The following INTS1 variants were observed in gnomAD, a reference collection of about 807,000 sequenced individuals.
INTS1 encodes integrator complex subunit 1.
A neutral mutation model predicts 241.6 loss-of-function variants in INTS1; 137 were observed. That is an observed-to-expected ratio of 0.57 (90% CI 0.49 to 0.65). INTS1 has a LOEUF of 0.65. Ranked by LOEUF, INTS1 falls within the 30% of genes least tolerant of loss-of-function variation. INTS1 has a pLI of 0.00. For missense variants in INTS1, 3,073 were observed against 3,032.2 expected (o/e 1.01, Z -0.32); for synonymous variants, 1,692 against 1,337.8 (o/e 1.26, Z -5.78).
In INTS1 at chr7:1,499,113, C is replaced by A. The variant is rs943551181; in HGVS notation, c.999G>T (p.Leu333=). 23 of 1,611,408 alleles carry A rather than the reference C, an allele frequency of 1.4e-5. No homozygotes were observed. Among genetic ancestry groups the A allele is most frequent in the Non-Finnish European group, 1.9e-5 (23 of 1,179,654 alleles). ...GCTGGCGCCGGTTCAGCTGGTCCCG[C>A]AGCATGTCCAGGACATACTCCTCCA... ...ESVEEYVLDM[L]RDQLNRRQPI... Residue 333 remains leucine, a synonymous_variant, in exon 8 of 48, where the codon CTG becomes CTT. Coordinates refer to ENST00000404767, the MANE Select transcript of INTS1 (RefSeq NM_001080453.3).
intron 33 of INTS1, 99 bp from the exon 34 acceptor site, chr7:1,478,035 T>G (rs1781805394): frequency 1.0e-5 from 10 of 1,002,674 alleles, no homozygotes; most frequent in Non-Finnish European, 1.5e-5. Flanking sequence ...GGTGAGCATG[T>G]GTGGGACACA....
In INTS1 at chr7:1,484,096, C is replaced by G; in HGVS notation, c.3336G>C (p.Ala1112=). Residue 1112 remains alanine, a synonymous_variant, in exon 25 of 48, where the codon GCG becomes GCC. Coordinates refer to ENST00000404767, the MANE Select transcript of INTS1 (RefSeq NM_001080453.3). ...HLFSKLSPSA[A]SDAVLSALLS... ...ACAGAGCGCTCAGCACGGCGTCCGA[C>G]GCGGCACTCGGGGAGAGCTTCGAGA... 6.2e-7 allele frequency: 1 copy of G among 1,612,516 alleles called. No individual in the cohort carries two copies. Among genetic ancestry groups the G allele is most frequent in the Non-Finnish European group, 8.5e-7 (1 of 1,179,764 alleles).
intron 40 of INTS1, 62 bp from the exon 41 acceptor site, chr7:1,474,422 A>T: frequency 6.7e-7 from 1 of 1,488,104 alleles, no homozygotes; most frequent in African/African-American, 1.4e-5. Flanking sequence ...GCACGTCCCC[A>T]GGAAGGCCCC....
intron 31 of INTS1, 81 bp downstream of exon 31, chr7:1,479,349 G>C (rs942406558): frequency 1.4e-6 from 2 of 1,459,716 alleles, no homozygotes; most frequent in Admixed American, 4.5e-5. Flanking sequence ...CAGAGGAGCA[G>C]TCACAGGACA....
rs937926659 is a variant in INTS1 at position 1,477,055 on chromosome 7, T to C, written c.4939-137A>G. 9 of 1,138,906 alleles carry C rather than the reference T, an allele frequency of 7.9e-6. No homozygotes were observed. The East Asian group carries it at 1.3e-4, about 16-fold the overall frequency. The allele number at this position is 1,138,906 out of a possible 1,614,324, so 70.6% of individuals were successfully genotyped here. A position where few individuals can be genotyped will look rare whatever the true frequency, so the allele number is the denominator to read the frequency against. ...GCTGCCGGTAACACCGGCCCCGTCA[T>C]GGTGCTGGAGGGCCGCTCCTGGTGG... On this transcript the variant is annotated intron_variant, in intron 35 of 47. Transcript: ENST00000404767.
intron 11 of INTS1, 148 bp downstream of exon 11, chr7:1,496,990 T>C: frequency 1.2e-6 from 1 of 811,244 alleles, no homozygotes; most frequent in South Asian, 1.8e-5. Flanking sequence ...CTGGGACGCG[T>C]CACCGCAAAC....
Position 1,503,930 on chromosome 7 carries a change from G to A in INTS1, c.31C>T (p.Arg11Trp). The A allele has an allele frequency of 7.6e-6, 12 of 1,571,680 alleles. No homozygotes were observed. Among genetic ancestry groups the A allele is most frequent in the Non-Finnish European group, 1.0e-5 (12 of 1,159,250 alleles). The change falls in exon 2 of 48, where the codon CGG becomes TGG. Residue 11 changes from arginine (R) to tryptophan (W), a missense_variant. Physicochemically the swap from Arg to Trp is moderately radical, Grantham distance 101. Coordinates refer to ENST00000404767, the MANE Select transcript of INTS1 (RefSeq NM_001080453.3). MNRAKPTTVR[R>W]PSAAAKPSGH... ...GAGGGTTTGGCCGCGGCGCTGGGCC[G>A]GCGCACCGTGGTGGGCTTGGCCCGG...
chr7:1,480,402 T>G lies in INTS1; in HGVS notation c.3989A>C (p.Gln1330Pro). The part of the protein sequence containing the change: ...EAPKPKSSPE[Q>P]PIGQGRIRVG... ...CCGAATCCGGCCCTGGCCTATGGGC[T>G]GCTCTGGGCTGCTCTTTGGTTTGGG... Residue 1330 changes from glutamine (Q) to proline (P), a missense_variant, in exon 30 of 48, where the codon CAG becomes CCG. Gln to Pro is a moderately conservative substitution (Grantham distance 76). Transcript: ENST00000404767. 1 of 1,613,320 alleles carries G rather than the reference T, an allele frequency of 6.2e-7. No homozygotes were observed. Among genetic ancestry groups the G allele is most frequent in the Non-Finnish European group, 8.5e-7 (1 of 1,179,692 alleles).
intron 18 of INTS1, among the ~76,000 whole-genome samples, chr7:1,488,944 T>TA (rs1782412252): frequency 1.3e-5 from 2 of 152,118 alleles, no homozygotes; most frequent in South Asian, 4.1e-4. Context: ...TGGCCAGTGT[T>TA]AAAGCCCACC....
intron 5 of INTS1, 120 bp from the exon 6 acceptor site, chr7:1,499,752 C>G: frequency 6.8e-7 from 1 of 1,468,106 alleles, no homozygotes; most frequent in South Asian, 1.3e-5. Flanking sequence ...CTGGGTGCAG[C>G]AGGGACCGTG....
Position 1,478,765 on chromosome 7 carries a change from G to T in INTS1, c.4450C>A (p.Leu1484Ile). Residue 1484 changes from leucine to isoleucine, a missense_variant, in exon 32 of 48, where the codon CTT (leucine) becomes ATT (isoleucine). Physicochemically the swap from Leu to Ile is conservative, Grantham distance 5. Transcript: ENST00000404767. ...GGPLRAQLRMLASQASAGRRL... is the reference protein window; with the variant it reads ...GGPLRAQLRMIASQASAGRRL... Reference sequence around the variant, plus strand: ...CGCCCGGCTGAGGCCTGGCTGGCAAGCATCCTGAGCTGTGCCCGCAGGGGC... The same window carrying T: ...CGCCCGGCTGAGGCCTGGCTGGCAATCATCCTGAGCTGTGCCCGCAGGGGC... The T allele has an allele frequency of 6.3e-7, 1 of 1,597,800 alleles. No homozygotes were observed. The highest frequency in any genetic ancestry group is 1.7e-5 in the Admixed American group (1 of 58,948).
chr7:1,470,954 T>A lies in INTS1; in HGVS notation c.6349A>T (p.Ile2117Phe), dbSNP rs1041509864. The A allele has an allele frequency of 3.2e-6, 5 of 1,560,046 alleles. No homozygotes were observed. The highest frequency in any genetic ancestry group is 4.3e-6 in the Non-Finnish European group (5 of 1,152,856). Residue 2117 changes from isoleucine to phenylalanine, a missense_variant and splice_region_variant, in exon 47 of 48, where the codon ATT becomes TTT. Physicochemically the swap from Ile to Phe is conservative, Grantham distance 21. Transcript: ENST00000404767. ...ALRSMQNSPSIAAAFLPTFMY... is the reference protein window; with the variant it reads ...ALRSMQNSPSFAAAFLPTFMY... ...AACGTGGGCAGGAAAGCGGCTGCAA[T>A]GCTGAAAGACCCACACACTTCAGTG...
intron 39 of INTS1, among the ~76,000 whole-genome samples, chr7:1,475,537 G>T (rs1426000257): frequency 6.6e-6 from 1 of 152,154 alleles, no homozygotes; most frequent in Non-Finnish European, 1.5e-5. Flanking sequence ...CGGTGGGGAA[G>T]CGGGTACGGG....
intron 1 of INTS1, 53 bp from the exon 2 acceptor site, chr7:1,504,054 G>A: frequency 8.5e-6 from 8 of 940,862 alleles, no homozygotes; most frequent in Admixed American, 2.6e-5. Context: ...TCGTTCGCTC[G>A]CTCATTCGCT....
intron 43 of INTS1, among the ~76,000 whole-genome samples, 191 bp downstream of exon 43, chr7:1,472,881 A>C (rs977545444): frequency 6.6e-6 from 1 of 152,100 alleles, no homozygotes; most frequent in Non-Finnish European, 1.5e-5. Flanking sequence ...AGGTGTGCTG[A>C]TGCTCTGTCA....
intron 42 of INTS1, 50 bp downstream of exon 42, chr7:1,473,516 T>A: frequency 6.4e-7 from 1 of 1,551,564 alleles, no homozygotes; most frequent in Non-Finnish European, 8.7e-7. Flanking sequence ...CAGACCCCGC[T>A]GGACCCTCGC....
intron 11 of INTS1, among the ~76,000 whole-genome samples, chr7:1,496,534 G>A (rs1782868520): frequency 1.3e-5 from 2 of 152,102 alleles, no homozygotes; most frequent in South Asian, 2.1e-4. Flanking sequence ...GCACACACTT[G>A]CACATGCGCA....
rs559357421 is a variant in INTS1, at chr7:1,471,325, A to G, written c.6256-101T>C. The G allele has an allele frequency of 2.4e-4, 295 of 1,245,310 alleles. No homozygotes were observed. In the African/African-American group the frequency reaches 4.0e-3, roughly 17 times the overall value. The allele number at this position is 1,245,310 out of a possible 1,614,324, so 77.1% of individuals were successfully genotyped here. On this transcript the variant is annotated intron_variant, in intron 45 of 47. Coordinates refer to ENST00000404767, the MANE Select transcript of INTS1 (RefSeq NM_001080453.3). ...GTGATGGTTGGCGGCAACGGCAGGG[A>G]CCCTAGGCCCCTATCCAGAAGGCAG...
In INTS1 at chr7:1,476,361, T is replaced by C. The variant is rs1024693245; in HGVS notation, c.5246A>G (p.Asp1749Gly). 5 of 1,576,670 alleles carry C rather than the reference T, an allele frequency of 3.2e-6. No homozygotes were observed. In the Admixed American group the frequency reaches 7.2e-5, roughly 23 times the overall value. The change falls in exon 38 of 48, where the codon GAC becomes GGC. Residue 1749 changes from aspartate (D) to glycine (G), a missense_variant. Asp to Gly is a moderately conservative substitution (Grantham distance 94). Transcript: ENST00000404767. ...GAGGCTGCAGGCGGCTGTGTCCCCG[T>C]CCTGGCTCCGCGTCTCCGCCTCGGC... ...ILAEAETRSQ[D>G]GDTAACSLIQ...
Sources: gnomAD v4.1 joint callset for allele counts (sites outside exome capture counted in the v4.1 genomes callset) on GRCh38, gnomAD v4.1.1 for gene constraint, MANE v1.5 for transcripts, NCBI Gene and HGNC (gene_info 2026-07-23, HGNC 2026-07-21) for gene names.